TFPI: variants seen among roughly 807,000 people sequenced by gnomAD.
TFPI encodes the protein anti-convertin.
Under a neutral mutation model 34.6 loss-of-function variants are expected in TFPI, and 15 were observed. The ratio of observed to expected loss-of-function variants is 0.43; its 90% CI spans 0.29 to 0.67. The LOEUF (loss-of-function observed/expected upper bound fraction) is 0.67, where lower values mean the gene tolerates loss of function less well. Ranked by LOEUF, TFPI falls within the 30% of genes least tolerant of loss-of-function variation. The probability of loss-of-function intolerance (pLI) is 0.15; values close to 1 mark genes in which losing one functional copy is unlikely to be tolerated. For synonymous variants in TFPI, 105 were observed against 120.1 expected (o/e 0.87, Z 0.82); for missense variants, 301 against 364.0 (o/e 0.83, Z 1.41).
chr2:187,472,335 G>C (rs1451964879), intron 6 of TFPI, among the ~76,000 whole-genome samples: 1 of 152,022 alleles, frequency 6.6e-6, no homozygotes, highest in African/African-American at 2.4e-5. Context: ...TTCAGTACCA[G>C]ACAGTGGCTC....
chr2:187,537,616 G>A (rs542446994), intron 1 of TFPI, among the ~76,000 whole-genome samples: 1 of 152,294 alleles, frequency 6.6e-6, no homozygotes, highest in South Asian at 2.1e-4. Flanking sequence ...TTAAATGTAA[G>A]TCCTAAAACC....
Position 187,467,884 on chromosome 2 carries a change from C to T in TFPI, c.677G>A (p.Cys226Tyr). 1.2e-6 allele frequency: 2 copies of T among 1,610,438 alleles called. No homozygotes were observed. Among genetic ancestry groups the T allele is most frequent in the Non-Finnish European group, 1.7e-6 (2 of 1,178,528 alleles). ...GTAGAATCTGTTCTCATTGGCACGA[C>T]ACAATCCTCTGTCTGCTGGAGTGAG... The part of the protein sequence containing the change: ...WCLTPADRGL[C>Y]RANENRFYYN... Residue 226 changes from cysteine to tyrosine, a missense_variant, in exon 7 of 8, where the codon TGT becomes TAT. Coordinates refer to ENST00000233156, the MANE Select transcript of TFPI (RefSeq NM_006287.6).
intron 6 of TFPI, among the ~76,000 whole-genome samples, chr2:187,477,217 C>T (rs980990968): frequency 3.3e-5 from 5 of 152,178 alleles, no homozygotes; most frequent in Non-Finnish European, 7.3e-5. Flanking sequence ...TGAAGTGCCA[C>T]ATTTTTGTTT....
At chr2:187,531,951 C>T (rs1687979677) in intron 1 of TFPI, among the ~76,000 whole-genome samples, 1 of 151,686 alleles carries the variant, frequency 6.6e-6, no homozygotes, top group Admixed American at 6.6e-5. Flanking sequence ...TTGGAGGATT[C>T]TATTTATTTT....
chr2:187,476,686 C>G (rs560791964), intron 6 of TFPI, among the ~76,000 whole-genome samples: 3 of 151,948 alleles, frequency 2.0e-5, no homozygotes, highest in Non-Finnish European at 4.4e-5. Flanking sequence ...CAAAGATTTT[C>G]CATTACTCAA....
chr2:187,547,200 A>C (rs1186141707), intron 1 of TFPI: 1 of 149,048 alleles, frequency 6.7e-6, no homozygotes, highest in East Asian at 2.0e-4. Context: ...ACTTTATTAT[A>C]TTTAGGGGAA....
chr2:187,471,791 C>T (rs1692051429), intron 6 of TFPI, among the ~76,000 whole-genome samples: 2 of 151,860 alleles, frequency 1.3e-5, no homozygotes, highest in Admixed American at 1.3e-4. Flanking sequence ...AACTTTGAAT[C>T]ATATATTCAC....
At chr2:187,497,663 A>G (rs1685576820) in intron 2 of TFPI, among the ~76,000 whole-genome samples, 1 of 151,940 alleles carries the variant, frequency 6.6e-6, no homozygotes, top group South Asian at 2.1e-4. Context: ...AATGCTTTCT[A>G]TGTTTTAAAT....
intron 1 of TFPI, among the ~76,000 whole-genome samples, chr2:187,508,092 G>T (rs566174734): frequency 4.6e-5 from 7 of 152,186 alleles, no homozygotes; most frequent in African/African-American, 1.7e-4. Flanking sequence ...GCTTATATTT[G>T]TCAGGTTTGT....
At chr2:187,478,876 G>T in intron 6 of TFPI, 1 of 1,289,274 alleles carries the variant, frequency 7.8e-7, no homozygotes, top group Non-Finnish European at 1.1e-6. Context: ...TCAATGCTGA[G>T]GGTGGGGGAA....
At chr2:187,485,115 T>G (rs1693168355) in intron 4 of TFPI, 128 bp from the exon 5 acceptor site, 1 of 691,916 alleles carries the variant, frequency 1.4e-6, no homozygotes, top group Admixed American at 4.3e-5. Context: ...AGTAAAAATC[T>G]AACTTTATCC....
chr2:187,497,066 G>C lies in TFPI; in HGVS notation c.134C>G (p.Pro45Arg). 1 of 1,612,302 alleles carries C rather than the reference G, an allele frequency of 6.2e-7. No individual in the cohort carries two copies. The highest frequency in any genetic ancestry group is 8.5e-7 in the Non-Finnish European group (1 of 1,179,140). ...EHTIITDTEL[P>R]PLKLMHSFCA... ...AAATGAATGCATAAGTTTCAGTGGT[G>C]GCAACTCCGTATCTATAAAGTAAAA... Residue 45 changes from proline to arginine, a missense_variant, in exon 3 of 8, where the codon CCA becomes CGA. Transcript: ENST00000233156.
intron 3 of TFPI, among the ~76,000 whole-genome samples, chr2:187,493,824 G>C (rs1685282738): frequency 6.6e-6 from 1 of 152,112 alleles, no homozygotes; most frequent in South Asian, 2.1e-4. Flanking sequence ...CTCTATCTGA[G>C]ACCACCTCAG....
intron 1 of TFPI, among the ~76,000 whole-genome samples, chr2:187,523,871 G>A (rs1194266118): frequency 6.6e-6 from 1 of 151,914 alleles, no homozygotes; most frequent in Non-Finnish European, 1.5e-5. Context: ...TCCCCCATAA[G>A]GAAATTCTCC....
chr2:187,540,018 G>A (rs990389741), intron 1 of TFPI, among the ~76,000 whole-genome samples: 8 of 150,950 alleles, frequency 5.3e-5, no homozygotes, highest in Non-Finnish European at 1.2e-4. Flanking sequence ...CCTGCCTCAA[G>A]CCTCAAGCTG....
At chr2:187,548,530 G>T (rs1688978103) in intron 1 of TFPI, among the ~76,000 whole-genome samples, 1 of 151,988 alleles carries the variant, frequency 6.6e-6, no homozygotes, top group African/African-American at 2.4e-5. Context: ...CATTCTTGGA[G>T]ATCATCCATG....
chr2:187,467,057 G>A lies in TFPI; in HGVS notation c.809-15C>T. 4 of 1,446,750 alleles carry A rather than the reference G, an allele frequency of 2.8e-6. No homozygotes were observed. The highest frequency in any genetic ancestry group is 4.8e-5 in the East Asian group (2 of 41,918). The allele number at this position is 1,446,750 out of a possible 1,614,324, so 89.6% of individuals were successfully genotyped here. On this transcript the variant is annotated splice_polypyrimidine_tract_variant and intron_variant, in intron 7 of 7. Coordinates refer to ENST00000233156, the MANE Select transcript of TFPI (RefSeq NM_006287.6). ...TTGGATGAAACCTATAAGAGGAAGAGGAATAAATTAATGTGTGATAAAATA... is the reference window on the plus strand; with the variant it reads ...TTGGATGAAACCTATAAGAGGAAGAAGAATAAATTAATGTGTGATAAAATA...
intron 1 of TFPI, among the ~76,000 whole-genome samples, chr2:187,534,874 T>A (rs531709886): frequency 6.6e-6 from 1 of 150,686 alleles, no homozygotes; most frequent in Non-Finnish European, 1.5e-5. Flanking sequence ...TAGAGGAATA[T>A]TGACCAAGCA....
rs1691713599 is a variant in TFPI at position 187,466,215 on chromosome 2, G to T, written c.*721C>A. 6.6e-6 allele frequency: 1 copy of T among 151,754 alleles called. No homozygotes were observed. The allele number at this position is 151,754 out of a possible 1,614,324, so 9.4% of individuals were successfully genotyped here. The stretch of plus-strand genomic sequence containing the variant: ...CATAAAACTTCTTGTTTCCATAAAG[G>T]TTCTCCTTATCATGAGTTGTATTTA... On this transcript the variant is annotated 3_prime_UTR_variant, in exon 8 of 8. Transcript: ENST00000233156.
Sources: gnomAD v4.1 joint callset for allele counts (sites outside exome capture counted in the v4.1 genomes callset) on GRCh38, gnomAD v4.1.1 for gene constraint, MANE v1.5 for transcripts, NCBI Gene and HGNC (gene_info 2026-07-23, HGNC 2026-07-21) for gene names.